MNAT1: variants seen among roughly 807,000 people sequenced by gnomAD.
The protein encoded by MNAT1 is CDK-activating kinase assembly factor MAT1.
MNAT1 carries 43 observed loss-of-function variants against 42.0 expected under a neutral mutation model. That is an observed-to-expected ratio of 1.02 (90% CI 0.80 to 1.32). MNAT1 has a LOEUF of 1.32. MNAT1 is among the 40% of genes most tolerant of loss of function. The probability of loss-of-function intolerance (pLI) is 0.00; values close to 1 mark genes in which losing one functional copy is unlikely to be tolerated. For missense variants in MNAT1, 306 were observed against 350.4 expected, an observed-to-expected ratio of 0.87 and a Z score of 1.01; for synonymous variants, 118 against 120.0, an observed-to-expected ratio of 0.98 and a Z score of 0.11.
In MNAT1 at chr14:60,914,782, A is replaced by G. The variant is rs146265224; in HGVS notation, c.809+34947A>G. 1.6e-4 allele frequency among the ~76,000 whole-genome samples: 24 copies of G among 152,352 alleles called. No homozygotes were observed. In the East Asian group the frequency reaches 4.6e-3, roughly 29 times the overall value. On this transcript the variant is annotated intron_variant, in intron 7 of 7. Coordinates refer to ENST00000261245, the MANE Select transcript of MNAT1 (RefSeq NM_002431.4). ...TATCCACAAACTTAAGTAGTGGTCAAGATAGGTCCTATATAGAAGGTTAAA... is the reference window on the plus strand; with the variant it reads ...TATCCACAAACTTAAGTAGTGGTCAGGATAGGTCCTATATAGAAGGTTAAA...
intron 1 of MNAT1, among the ~76,000 whole-genome samples, chr14:60,756,108 T>C (rs78217912): frequency 1.3e-5 from 2 of 152,230 alleles, no homozygotes; most frequent in Non-Finnish European, 2.9e-5. Context: ...TTATGATGCT[T>C]AGATTATTTG....
At chr14:60,923,337 C>CTA (rs1179618843) in intron 7 of MNAT1, among the ~76,000 whole-genome samples, 2 of 152,194 alleles carry the variant, frequency 1.3e-5, no homozygotes, top group African/African-American at 4.8e-5. Flanking sequence ...TGGTTAAGGA[C>CTA]TATACTTTGA....
rs145336599 is a variant in MNAT1 at position 60,791,906 on chromosome 14, C to T, written c.90-4311C>T. On this transcript the variant is annotated intron_variant, in intron 1 of 7. Coordinates refer to ENST00000261245, the MANE Select transcript of MNAT1 (RefSeq NM_002431.4). The stretch of plus-strand genomic sequence containing the variant: ...TTCCAGTTTAATTCCCACTTGAAAG[C>T]TGATATCATCAACTCATGGTGACGG... Among the ~76,000 whole-genome samples, 343 of 152,178 alleles carry T rather than the reference C, an allele frequency of 2.3e-3. 7 individuals are homozygous for T. Among genetic ancestry groups the T allele is most frequent in the East Asian group, 0.014 (72 of 5,184 alleles).
chr14:60,762,874 T>G (rs938589217), intron 1 of MNAT1, among the ~76,000 whole-genome samples: 1 of 152,096 alleles, frequency 6.6e-6, no homozygotes, highest in African/African-American at 2.4e-5. Context: ...CAGTGGTAAA[T>G]TTATATAAAC....
At chr14:60,965,392 A>G (rs1356646366) in intron 7 of MNAT1, among the ~76,000 whole-genome samples, 2 of 152,198 alleles carry the variant, frequency 1.3e-5, no homozygotes, top group African/African-American at 4.8e-5. Flanking sequence ...GAACTGTTTT[A>G]TATACTCTTT....
At chr14:60,859,236 G>A (rs367795931) in intron 6 of MNAT1, among the ~76,000 whole-genome samples, 4 of 152,156 alleles carry the variant, frequency 2.6e-5, no homozygotes, top group Admixed American at 6.5e-5. Context: ...TGGTGCTTTG[G>A]ACTATCTTGG....
chr14:60,943,786 A>G (rs1049780569), intron 7 of MNAT1, among the ~76,000 whole-genome samples: 4 of 152,220 alleles, frequency 2.6e-5, no homozygotes, highest in Non-Finnish European at 5.9e-5. Context: ...TATGCAAGGT[A>G]TGGAGAGGAA....
chr14:60,827,461 A>G (rs536911632), intron 6 of MNAT1, among the ~76,000 whole-genome samples: 1 of 152,306 alleles, frequency 6.6e-6, no homozygotes, highest in Admixed American at 6.5e-5. Context: ...CCTTGATAAA[A>G]TATGTGAGTT....
chr14:60,837,342 C>G (rs1399682647), intron 6 of MNAT1, among the ~76,000 whole-genome samples: 1 of 152,200 alleles, frequency 6.6e-6, no homozygotes, highest in Non-Finnish European at 1.5e-5. Flanking sequence ...ACCCAGGGCC[C>G]TGGTGGCTAG....
chr14:60,907,509 C>T (rs2035228128), intron 7 of MNAT1, among the ~76,000 whole-genome samples: 1 of 148,034 alleles, frequency 6.8e-6, no homozygotes, highest in Admixed American at 6.8e-5. Flanking sequence ...TTAAAGTTTT[C>T]AATTGTGGGG....
Position 60,748,183 on chromosome 14 carries a change from C to T in MNAT1, c.89+13232C>T, listed in dbSNP as rs944243138. On this transcript the variant is annotated intron_variant, in intron 1 of 7. Transcript: ENST00000261245. ...CTGCACTCCAGCCTGGACAACAGAG[C>T]GAGACTCTGTCTCAGAAAAAAAAAA... Among the ~76,000 whole-genome samples the T allele has an allele frequency of 6.6e-5, 10 of 150,416 alleles. No homozygotes were observed. In the East Asian group the frequency reaches 1.8e-3, roughly 26 times the overall value.
chr14:60,916,723 A>G (rs1353198193), intron 7 of MNAT1, among the ~76,000 whole-genome samples: 1 of 152,198 alleles, frequency 6.6e-6, no homozygotes, highest in Non-Finnish European at 1.5e-5. Context: ...AGGCGGAGGC[A>G]GGCGAACTGC....
chr14:60,756,060 G>T (rs1420290969), intron 1 of MNAT1, among the ~76,000 whole-genome samples: 1 of 152,186 alleles, frequency 6.6e-6, no homozygotes, highest in African/African-American at 2.4e-5. Context: ...GTAAATACTT[G>T]TCTTTTTTTG....
intron 6 of MNAT1, among the ~76,000 whole-genome samples, chr14:60,868,664 GGTTAT>G: frequency 6.6e-6 from 1 of 152,212 alleles, no homozygotes; most frequent in East Asian, 1.9e-4. Context: ...TTCAGTAGGT[GGTTAT>G]ATTTGTTGTA....
At chr14:60,948,746 T>C (rs1322557368) in intron 7 of MNAT1, among the ~76,000 whole-genome samples, 2 of 152,248 alleles carry the variant, frequency 1.3e-5, no homozygotes, top group African/African-American at 4.8e-5. Flanking sequence ...CTTAACATAG[T>C]AGTTGGTACA....
intron 6 of MNAT1, among the ~76,000 whole-genome samples, chr14:60,868,919 G>A (rs1181451866): frequency 6.6e-6 from 1 of 151,222 alleles, no homozygotes; most frequent in Non-Finnish European, 1.5e-5. Context: ...TTTACGCTTA[G>A]TAAGAGCATT....
chr14:60,893,462 T>C (rs1268102761), intron 7 of MNAT1, among the ~76,000 whole-genome samples: 1 of 152,178 alleles, frequency 6.6e-6, no homozygotes, highest in South Asian at 2.1e-4. Context: ...TTTTCCTGTT[T>C]GTTTTAGTTA....
At chr14:60,845,575 A>G (rs2033661599) in intron 6 of MNAT1, among the ~76,000 whole-genome samples, 1 of 152,064 alleles carries the variant, frequency 6.6e-6, no homozygotes. Context: ...CACATTAAGC[A>G]TATGATTTAA....
intron 7 of MNAT1, among the ~76,000 whole-genome samples, chr14:60,880,533 A>G (rs2034528003): frequency 6.6e-6 from 1 of 152,200 alleles, no homozygotes; most frequent in South Asian, 2.1e-4. Flanking sequence ...GCTTAACAAA[A>G]GAAAATAGTG....
Sources: gnomAD v4.1 joint callset for allele counts (sites outside exome capture counted in the v4.1 genomes callset) on GRCh38, gnomAD v4.1.1 for gene constraint, MANE v1.5 for transcripts, NCBI Gene and HGNC (gene_info 2026-07-23, HGNC 2026-07-21) for gene names.